Variants in GRIA2 observed in about 807,000 individuals in gnomAD.
GRIA2 encodes the protein glutamate ionotropic receptor AMPA type subunit 2.
Under a neutral mutation model 97.3 loss-of-function variants are expected in GRIA2, and 14 were observed. The observed-to-expected ratio is 0.14, with a 90% CI of 0.10 to 0.23. The LOEUF (loss-of-function observed/expected upper bound fraction) is 0.23, where lower values mean the gene tolerates loss of function less well. GRIA2 is among the 10% of genes least tolerant of loss of function. GRIA2 has a pLI of 1.00. For synonymous variants in GRIA2, 412 were observed against 387.8 expected, an observed-to-expected ratio of 1.06 and a Z score of -0.73; for missense variants, 558 against 1,069.8, an observed-to-expected ratio of 0.52 and a Z score of 6.67.
chr4:157,227,869 T>A (rs1242439133), intron 2 of GRIA2, among the ~76,000 whole-genome samples: 1 of 152,190 alleles, frequency 6.6e-6, no homozygotes, highest in Non-Finnish European at 1.5e-5. Context: ...ATGTTAAAAT[T>A]AGAAAATCAC....
intron 2 of GRIA2, among the ~76,000 whole-genome samples, chr4:157,233,554 G>GTT (rs1457914149): frequency 1.3e-5 from 2 of 151,968 alleles, no homozygotes; most frequent in African/African-American, 4.8e-5. Flanking sequence ...TACAGCATGT[G>GTT]TTTTTTTCTC....
intron 9 of GRIA2, 154 bp downstream of exon 9, chr4:157,334,274 C>T (rs1352865088): frequency 1.7e-6 from 1 of 576,296 alleles, no homozygotes; most frequent in Non-Finnish European, 3.1e-6. Context: ...AAAAGGAATA[C>T]ACAAGATCTA....
intron 2 of GRIA2, among the ~76,000 whole-genome samples, chr4:157,225,776 C>T (rs1729716149): frequency 6.6e-6 from 1 of 151,750 alleles, no homozygotes; most frequent in South Asian, 2.1e-4. Flanking sequence ...TTCTTAAACA[C>T]AAGCGGTTTA....
At chr4:157,232,665 A>T (rs953442022) in intron 2 of GRIA2, among the ~76,000 whole-genome samples, 1 of 152,144 alleles carries the variant, frequency 6.6e-6, no homozygotes, top group African/African-American at 2.4e-5. Flanking sequence ...TATTCTTTGG[A>T]GGGAAGGACC....
chr4:157,317,693 C>A lies in GRIA2; in HGVS notation c.702C>A (p.His234Gln). The A allele has an allele frequency of 8.1e-7, 1 of 1,233,122 alleles. No homozygotes were observed. The highest frequency in any genetic ancestry group is 1.2e-6 in the Non-Finnish European group (1 of 839,530). 76.4% of individuals were successfully genotyped at this position (1,233,122 alleles called of 1,614,324 possible). A position where few individuals can be genotyped will look rare whatever the true frequency, so the allele number is the denominator to read the frequency against. ...TTGGAAAACATGTTAAAGGGTACCA[C>A]TACATCATTGCAAATCTGGTAGGTG... ...ITIGKHVKGY[H>Q]YIIANLGFTD... is the part of the protein sequence containing the mutation. Residue 234 changes from histidine (H) to glutamine (Q), a missense_variant, in exon 5 of 16, where the codon CAC becomes CAA. This residue lies in a region of GRIA2 where 173 missense variants were observed against 209.1 expected (regional missense o/e 0.83). Coordinates refer to ENST00000264426, the MANE Select transcript of GRIA2 (RefSeq NM_001083619.3).
chr4:157,352,147 A>C (rs1386583608), intron 12 of GRIA2, among the ~76,000 whole-genome samples: 1 of 152,170 alleles, frequency 6.6e-6, no homozygotes. Context: ...TCTAAGTTTT[A>C]TAATATTGTT....
chr4:157,339,229 G>A (rs933682069), intron 11 of GRIA2, among the ~76,000 whole-genome samples: 1 of 151,836 alleles, frequency 6.6e-6, no homozygotes, highest in Non-Finnish European at 1.5e-5. Context: ...GGAATCAAAT[G>A]AATATAAAAA....
chr4:157,338,027 T>TATATATATATATATATAC (rs1735375959), intron 11 of GRIA2, among the ~76,000 whole-genome samples: 1 of 11,910 alleles, frequency 8.4e-5, no homozygotes, highest in African/African-American at 1.4e-4. Context: ...TATATATATA[T>TATATATATATATATATAC]ATATATATAT....
chr4:157,256,016 A>T (rs550249671), intron 2 of GRIA2, among the ~76,000 whole-genome samples: 1 of 150,928 alleles, frequency 6.6e-6, no homozygotes, highest in South Asian at 2.1e-4. Flanking sequence ...CATGTTAAGT[A>T]TAAAAATTCT....
chr4:157,275,100 G>A (rs576593964), intron 2 of GRIA2, among the ~76,000 whole-genome samples: 14 of 152,148 alleles, frequency 9.2e-5, no homozygotes, highest in South Asian at 2.1e-4. Context: ...GTTTTGATTT[G>A]CATTTCTCTG....
intron 2 of GRIA2, among the ~76,000 whole-genome samples, chr4:157,254,638 G>GAA (rs1039018915): frequency 6.6e-6 from 1 of 151,950 alleles, no homozygotes; most frequent in African/African-American, 2.4e-5. Context: ...ATATATATTG[G>GAA]AACTATCCTG....
chr4:157,361,261 G>A lies in GRIA2; in HGVS notation c.2406+137G>A. ...GTGCAATTGGATGACCAGGACACTTGACTTCTTCTTTCTTTCTTCCTCTAC... is the reference window on the plus strand; with the variant it reads ...GTGCAATTGGATGACCAGGACACTTAACTTCTTCTTTCTTTCTTCCTCTAC... On this transcript the variant is annotated intron_variant, in intron 14 of 15. Coordinates refer to ENST00000264426, the MANE Select transcript of GRIA2 (RefSeq NM_001083619.3). The surrounding 1 kb of genome is among the most constrained non-coding windows in gnomAD (Gnocchi z 5.2). 1 of 685,486 alleles carries A rather than the reference G, an allele frequency of 1.5e-6. No homozygotes were observed. The allele number at this position is 685,486 out of a possible 1,614,324, so 42.5% of individuals were successfully genotyped here.
At position 157,261,984 on chromosome 4, in the gene GRIA2, T is replaced by G. The variant is rs1167580250; in HGVS notation, c.229+40177T>G. Among the ~76,000 whole-genome samples, 3 of 152,066 alleles carry G rather than the reference T, an allele frequency of 2.0e-5. No homozygotes were observed. The East Asian group carries it at 5.8e-4, about 29-fold the overall frequency. On this transcript the variant is annotated intron_variant, in intron 2 of 15. Coordinates refer to ENST00000264426, the MANE Select transcript of GRIA2 (RefSeq NM_001083619.3). ...GCTTTACTGGTTATATGCTCAAAAG[T>G]TTTGATGAATTGAAACCCCTGCTAC...
chr4:157,223,799 T>C (rs985885293), intron 2 of GRIA2, among the ~76,000 whole-genome samples: 1 of 152,188 alleles, frequency 6.6e-6, no homozygotes, highest in African/African-American at 2.4e-5. Context: ...GTGAAAATAA[T>C]GAGAAGAACT....
intron 15 of GRIA2, 99 bp downstream of exon 15, chr4:157,363,146 C>T: frequency 4.9e-6 from 6 of 1,219,882 alleles, no homozygotes; most frequent in Non-Finnish European, 5.8e-6. Flanking sequence ...AATGGATCAT[C>T]CTGTATGTAT....
intron 2 of GRIA2, among the ~76,000 whole-genome samples, chr4:157,256,249 A>AT (rs1479473647): frequency 2.0e-5 from 2 of 101,086 alleles, no homozygotes; most frequent in East Asian, 4.5e-4. Flanking sequence ...TATATATAAT[A>AT]TATAAATTAT....
At chr4:157,248,611 ACATG>A (rs1730864514) in intron 2 of GRIA2, among the ~76,000 whole-genome samples, 1 of 132,664 alleles carries the variant, frequency 7.5e-6, no homozygotes, top group Non-Finnish European at 1.6e-5. Context: ...ATGTATATAT[ACATG>A]TATATATACG....
At chr4:157,338,108 T>A (rs1735387046) in intron 11 of GRIA2, among the ~76,000 whole-genome samples, 1 of 148,992 alleles carries the variant, frequency 6.7e-6, no homozygotes, top group African/African-American at 2.5e-5. Flanking sequence ...TTATCATCTC[T>A]GTATTTAGTT....
intron 2 of GRIA2, among the ~76,000 whole-genome samples, chr4:157,289,958 T>A (rs1733019774): frequency 6.6e-6 from 1 of 151,848 alleles, no homozygotes; most frequent in African/African-American, 2.4e-5. Context: ...GGGTTCAAAT[T>A]TCAGCCCTAC....
Sources: allele counts gnomAD v4.1 joint callset (sites outside exome capture counted in the v4.1 genomes callset), GRCh38; gene constraint gnomAD v4.1.1; regional missense constraint gnomAD v4.1.1; non-coding constraint Gnocchi (gnomAD v3.1); transcripts MANE v1.5; gene names NCBI Gene and HGNC (gene_info 2026-07-23, HGNC 2026-07-21).